The following COG6 variants were observed in gnomAD, a reference collection of about 807,000 sequenced individuals.
COG6 encodes conserved oligomeric Golgi complex subunit 6.
In COG6, 74 loss-of-function variants were observed where a neutral mutation model predicts 88.8. The ratio of observed to expected loss-of-function variants is 0.83; its 90% CI spans 0.69 to 1.01. The LOEUF (loss-of-function observed/expected upper bound fraction) is 1.01. Ranked by LOEUF, COG6 falls within the 50% of genes least tolerant of loss-of-function variation. The pLI, the probability that COG6 is intolerant of heterozygous loss-of-function variation, is 0.00. For missense variants in COG6, 800 were observed against 797.9 expected (o/e 1.00, Z -0.03); for synonymous variants, 286 against 278.7 (o/e 1.03, Z -0.26).
chr13:39,775,371 A>G (rs1377707562), intron 18 of COG6, among the ~76,000 whole-genome samples: 1 of 152,214 alleles, frequency 6.6e-6, no homozygotes, highest in East Asian at 1.9e-4. Context: ...TTATGTTTCT[A>G]GGATTAGATT....
chr13:39,701,172 T>A (rs1593435874), intron 13 of COG6, among the ~76,000 whole-genome samples: 1 of 151,786 alleles, frequency 6.6e-6, no homozygotes, highest in East Asian at 1.9e-4. Context: ...AAAGGTAAAA[T>A]CTTCAAAACT....
intron 18 of COG6, among the ~76,000 whole-genome samples, chr13:39,742,904 C>T (rs1880128640): frequency 6.6e-6 from 1 of 152,182 alleles, no homozygotes; most frequent in African/African-American, 2.4e-5. Context: ...AACAAACTGT[C>T]TCTCAGACCA....
chr13:39,758,348 A>G (rs2138160453), intron 18 of COG6, among the ~76,000 whole-genome samples: 1 of 152,184 alleles, frequency 6.6e-6, no homozygotes, highest in Middle Eastern at 3.4e-3. Context: ...GCAAGACCCC[A>G]TCTCTGCAAA....
intron 18 of COG6, among the ~76,000 whole-genome samples, chr13:39,729,999 A>G (rs1214499804): frequency 6.6e-6 from 1 of 152,204 alleles, no homozygotes; most frequent in Non-Finnish European, 1.5e-5. Context: ...TTGAAATTAA[A>G]TGTTTGTCTT....
At chr13:39,714,791 A>T (rs887264879) in intron 13 of COG6, among the ~76,000 whole-genome samples, 1 of 152,224 alleles carries the variant, frequency 6.6e-6, no homozygotes, top group Non-Finnish European at 1.5e-5. Flanking sequence ...AATAGTAGTC[A>T]TTATATCAAA....
intron 18 of COG6, among the ~76,000 whole-genome samples, chr13:39,729,636 A>G (rs9548903): frequency 0.25 from 38,190 of 152,068 alleles, 4,799 homozygotes; most frequent in Non-Finnish European, 0.26. Context: ...ATGAGGAAAT[A>G]GTAATTATCA....
Position 39,660,848 on chromosome 13 carries a change from C to T in COG6, c.336C>T (p.Ser112=), listed in dbSNP as rs111943857. 50 of 1,609,960 alleles carry T rather than the reference C, an allele frequency of 3.1e-5. No individual in the cohort carries two copies. The highest frequency in any genetic ancestry group is 4.2e-5 in the Non-Finnish European group (49 of 1,177,010). ...TAAGCGAAGATGTTCAAGCAATGAG[C>T]AACTGTTGTCAAGATATGACAAGTC... The part of the protein sequence containing the change: ...ESISEDVQAM[S]NCCQDMTSRL... The change falls in exon 3 of 19, where the codon AGC becomes AGT. Residue 112 remains serine (S), a synonymous_variant. Coordinates refer to ENST00000455146, the MANE Select transcript of COG6 (RefSeq NM_020751.3).
chr13:39,744,930 G>C (rs868229291), intron 18 of COG6, among the ~76,000 whole-genome samples: 4 of 152,040 alleles, frequency 2.6e-5, no homozygotes, highest in Admixed American at 1.3e-4. Context: ...CAGAACAGAG[G>C]CCTCAGAAAT....
chr13:39,784,455 G>A (rs1459830011), intron 18 of COG6, among the ~76,000 whole-genome samples: 1 of 152,144 alleles, frequency 6.6e-6, no homozygotes, highest in Non-Finnish European at 1.5e-5. Flanking sequence ...CTGCACCAGG[G>A]GCAGTAAGCA....
intron 12 of COG6, among the ~76,000 whole-genome samples, chr13:39,698,465 A>G (rs528007680): frequency 6.6e-6 from 1 of 152,024 alleles, no homozygotes; most frequent in South Asian, 2.1e-4. Context: ...TTTGCTATAT[A>G]TATATGCACT....
At position 39,724,542 on chromosome 13, in the gene COG6, T is replaced by C. The variant is rs546620468; in HGVS notation, c.1727T>C (p.Val576Ala). 100 of 1,601,908 alleles carry C rather than the reference T, an allele frequency of 6.2e-5. 1 individual carries two copies. The South Asian group carries it at 1.1e-3, about 17-fold the overall frequency. ...SLANMPNLDS[V>A]TLKAAMVQFD... ...GCTAATATGCCCAACCTAGATTCTG[T>C]GACACTGAAGGCTGCAATGGTAAGT... Residue 576 changes from valine to alanine, a missense_variant, in exon 17 of 19, where the codon GTG (valine) becomes GCG (alanine). By Grantham distance (64) the Val-to-Ala change is moderately conservative. Coordinates refer to ENST00000455146, the MANE Select transcript of COG6 (RefSeq NM_020751.3).
rs543615867 is a variant in COG6 at position 39,707,765 on chromosome 13, A to G, written c.1284+8147A>G. Among the ~76,000 whole-genome samples the G allele has an allele frequency of 2.0e-5, 3 of 152,292 alleles. No individual in the cohort carries two copies. The South Asian group carries it at 6.2e-4, about 32-fold the overall frequency. On this transcript the variant is annotated intron_variant, in intron 13 of 18. Transcript: ENST00000455146. ...TTGTTGTGTAGTAATTTCATTATAT[A>G]TATTCACCACAATTTACTCATTCTG... is the stretch of plus-strand genomic sequence containing the variant.
At chr13:39,783,133 G>A (rs1267729622) in intron 18 of COG6, among the ~76,000 whole-genome samples, 1 of 152,104 alleles carries the variant, frequency 6.6e-6, no homozygotes, top group African/African-American at 2.4e-5. Flanking sequence ...TAAAGCTCGA[G>A]TATTGATTTC....
intron 15 of COG6, among the ~76,000 whole-genome samples, chr13:39,722,898 T>G (rs1251357876): frequency 2.0e-5 from 3 of 152,056 alleles, no homozygotes; most frequent in Non-Finnish European, 4.4e-5. Context: ...TGAGCTGTAG[T>G]GGGATTTCCT....
At chr13:39,763,113 T>G (rs1210524108) in intron 18 of COG6, among the ~76,000 whole-genome samples, 1 of 151,802 alleles carries the variant, frequency 6.6e-6, no homozygotes, top group African/African-American at 2.4e-5. Flanking sequence ...AAATCACTCT[T>G]GCATTCCCAA....
chr13:39,731,324 A>G lies in COG6; in HGVS notation c.1826+3776A>G, dbSNP rs532200941. On this transcript the variant is annotated intron_variant, in intron 18 of 18. Transcript: ENST00000455146. Reference sequence around the variant, plus strand: ...CTTCAGCCTTGGAATAAGCTATTGAATACATTTAAGTAGCTAGGAAACAAG... The same window carrying G: ...CTTCAGCCTTGGAATAAGCTATTGAGTACATTTAAGTAGCTAGGAAACAAG... Among the ~76,000 whole-genome samples, 3 of 152,308 alleles carry G rather than the reference A, an allele frequency of 2.0e-5. No homozygotes were observed. In the South Asian group the frequency reaches 6.2e-4, roughly 32 times the overall value.
chr13:39,656,252 C>T (rs1874487295), intron 1 of COG6: 3 of 469,650 alleles, frequency 6.4e-6, no homozygotes, highest in South Asian at 3.1e-5. Context: ...GAAACAGATG[C>T]AAAAGAGCAG....
chr13:39,681,090 T>A (rs566602811), intron 7 of COG6, among the ~76,000 whole-genome samples: 29 of 152,320 alleles, frequency 1.9e-4, no homozygotes, highest in African/African-American at 7.0e-4. Flanking sequence ...CAGAATAGCC[T>A]GTTAAAACCA....
At chr13:39,727,591 T>G in intron 18 of COG6, 43 bp downstream of exon 18, 2 of 1,327,554 alleles carry the variant, frequency 1.5e-6, no homozygotes, top group South Asian at 1.2e-5. Flanking sequence ...GATTCACATA[T>G]TTTTAAATAT....
Sources: gnomAD v4.1 joint callset for allele counts (sites outside exome capture counted in the v4.1 genomes callset) on GRCh38, gnomAD v4.1.1 for gene constraint, MANE v1.5 for transcripts, NCBI Gene and HGNC (gene_info 2026-07-23, HGNC 2026-07-21) for gene names.